ANKS1B: variants seen among roughly 807,000 people sequenced by gnomAD.
The protein encoded by ANKS1B is ankyrin repeat and sterile alpha motif domain containing 1B.
A neutral mutation model predicts 148.3 loss-of-function variants in ANKS1B; 36 were observed. That is an observed-to-expected ratio of 0.24 (90% CI 0.19 to 0.32). The LOEUF is 0.32. Ranked by LOEUF, ANKS1B falls within the 10% of genes least tolerant of loss-of-function variation. ANKS1B has a pLI of 1.00. For synonymous variants in ANKS1B, 542 were observed against 560.8 expected, an observed-to-expected ratio of 0.97 and a Z score of 0.47; for missense variants, 1,157 against 1,542.6, an observed-to-expected ratio of 0.75 and a Z score of 4.19.
At chr12:99,285,739 A>C (rs1004378450) in intron 12 of ANKS1B, among the ~76,000 whole-genome samples, 1 of 152,060 alleles carries the variant, frequency 6.6e-6, no homozygotes, top group Non-Finnish European at 1.5e-5. Flanking sequence ...TGGAGAGAGA[A>C]TCTGTGTGCT....
chr12:99,254,483 T>TGGG (rs1474357892), intron 12 of ANKS1B, among the ~76,000 whole-genome samples: 1 of 152,218 alleles, frequency 6.6e-6, no homozygotes, highest in Non-Finnish European at 1.5e-5. Context: ...CTGTAGGAAC[T>TGGG]GGCACGCTAT....
At chr12:99,149,610 T>A (rs1269936917) in intron 15 of ANKS1B, among the ~76,000 whole-genome samples, 1 of 152,138 alleles carries the variant, frequency 6.6e-6, no homozygotes, top group East Asian at 1.9e-4. Flanking sequence ...ATTTCATTCT[T>A]CTCCCATTTT....
intron 1 of ANKS1B, among the ~76,000 whole-genome samples, chr12:99,886,149 C>T (rs1256344507): frequency 6.6e-6 from 1 of 152,184 alleles, no homozygotes; most frequent in Non-Finnish European, 1.5e-5. Flanking sequence ...CCCTTTTCAC[C>T]ACATTCACGC....
At chr12:99,737,983 T>C (rs2059770270) in intron 8 of ANKS1B, among the ~76,000 whole-genome samples, 1 of 152,154 alleles carries the variant, frequency 6.6e-6, no homozygotes, top group African/African-American at 2.4e-5. Flanking sequence ...ACAGCTCATT[T>C]ATTGAAAAAC....
At chr12:99,892,976 C>T (rs564460903) in intron 1 of ANKS1B, among the ~76,000 whole-genome samples, 20 of 152,276 alleles carry the variant, frequency 1.3e-4, no homozygotes, top group African/African-American at 4.8e-4. Context: ...AGAGGACCCC[C>T]CACCATGTCT....
chr12:99,582,974 A>T (rs2153229516), intron 9 of ANKS1B, among the ~76,000 whole-genome samples: 1 of 152,246 alleles, frequency 6.6e-6, no homozygotes, highest in South Asian at 2.1e-4. Flanking sequence ...GTGTACTTAT[A>T]TTATTTGATT....
At chr12:99,890,576 T>A (rs1164509230) in intron 1 of ANKS1B, among the ~76,000 whole-genome samples, 1 of 17,814 alleles carries the variant, frequency 5.6e-5, no homozygotes, top group Non-Finnish European at 1.9e-4. Flanking sequence ...TCATGGTGTG[T>A]GTGTGTGTGT....
intron 17 of ANKS1B, among the ~76,000 whole-genome samples, chr12:98,880,319 T>G (rs1047193016): frequency 2.6e-5 from 4 of 152,210 alleles, no homozygotes; most frequent in South Asian, 2.1e-4. Context: ...ATGATGAAAG[T>G]CTGTTCAAAT....
At position 99,617,878 on chromosome 12, in the gene ANKS1B, G is replaced by A. The variant is rs146848606; in HGVS notation, c.1272+37189C>T. Among the ~76,000 whole-genome samples, 34 of 151,932 alleles carry A rather than the reference G, an allele frequency of 2.2e-4. 1 individual carries two copies. Among genetic ancestry groups the A allele is most frequent in the African/African-American group, 8.0e-4 (33 of 41,434 alleles). On this transcript the variant is annotated intron_variant, in intron 9 of 26. Transcript: ENST00000683438. ...ATACACACTTAATACAATCAGGTAG[G>A]CATATACTGAGTGATTTTTAATGTA...
At position 98,794,392 on chromosome 12, in the gene ANKS1B, C is replaced by CAAAA. The variant is rs571692746; in HGVS notation, c.3342+4538_3342+4541dup. ...GGGTGACAAGAGCGAAACTCTGTCT[C>CAAAA]AAAAAAAAAAAAAAAAAAAAAAAAA... On this transcript the variant is annotated intron_variant, in intron 22 of 26. Transcript: ENST00000683438. The CAAAA allele has an allele frequency of 3.1e-3, 264 of 84,098 alleles. 6 individuals are homozygous for CAAAA. Among genetic ancestry groups the CAAAA allele is most frequent in the African/African-American group, 4.4e-3 (63 of 14,228 alleles). 5.2% of individuals were successfully genotyped at this position (84,098 alleles called of 1,614,324 possible).
intron 17 of ANKS1B, among the ~76,000 whole-genome samples, chr12:98,930,871 G>A (rs951991723): frequency 2.0e-5 from 3 of 152,018 alleles, no homozygotes; most frequent in Admixed American, 2.0e-4. Flanking sequence ...ACATATTAAA[G>A]GAGCAAATTT....
intron 4 of ANKS1B, among the ~76,000 whole-genome samples, chr12:99,790,500 T>C (rs2065513011): frequency 6.6e-6 from 1 of 152,110 alleles, no homozygotes; most frequent in Non-Finnish European, 1.5e-5. Flanking sequence ...ACTACTTTTA[T>C]CTTAAGTAGA....
chr12:98,826,085 T>G (rs1051697271), intron 19 of ANKS1B, among the ~76,000 whole-genome samples: 3 of 152,202 alleles, frequency 2.0e-5, no homozygotes, highest in Non-Finnish European at 4.4e-5. Context: ...CAGTTTAGAA[T>G]TACAGGCTGG....
intron 17 of ANKS1B, among the ~76,000 whole-genome samples, chr12:98,961,429 GACAA>G (rs2099871265): frequency 6.6e-6 from 1 of 152,024 alleles, no homozygotes; most frequent in Non-Finnish European, 1.5e-5. Flanking sequence ...AACTTTCCTG[GACAA>G]ACAAAGGTTG....
At chr12:99,889,000 A>ACACACACACACACAC (rs1555228591) in intron 1 of ANKS1B, among the ~76,000 whole-genome samples, 2 of 147,152 alleles carry the variant, frequency 1.4e-5, no homozygotes, top group African/African-American at 5.0e-5. Context: ...ACACACACAC[A>ACACACACACACACAC]ACTAGAGACT....
At chr12:99,833,435 G>C (rs1182939040) in intron 1 of ANKS1B, among the ~76,000 whole-genome samples, 1 of 152,228 alleles carries the variant, frequency 6.6e-6, no homozygotes, top group East Asian at 1.9e-4. Flanking sequence ...GGTAGAGAGA[G>C]AGAGGGTGAG....
At chr12:99,663,702 TG>T (rs34812426) in intron 8 of ANKS1B, among the ~76,000 whole-genome samples, 18,327 of 152,114 alleles carry the variant, frequency 0.12, 1,726 homozygotes, top group East Asian at 0.46. Flanking sequence ...ATTTTAAACT[TG>T]AGGATTTGCC....
chr12:98,887,443 C>G (rs2099742659), intron 17 of ANKS1B, among the ~76,000 whole-genome samples: 1 of 152,102 alleles, frequency 6.6e-6, no homozygotes, highest in African/African-American at 2.4e-5. Flanking sequence ...ATTATATAAC[C>G]TTCCCACAGA....
intron 4 of ANKS1B, among the ~76,000 whole-genome samples, chr12:99,784,562 C>A (rs188331814): frequency 3.9e-5 from 6 of 152,306 alleles, no homozygotes. Flanking sequence ...TAACTCCTAG[C>A]ACTCTTAATC....
Sources: gnomAD v4.1 joint callset for allele counts (sites outside exome capture counted in the v4.1 genomes callset) on GRCh38, gnomAD v4.1.1 for gene constraint, MANE v1.5 for transcripts, NCBI Gene and HGNC (gene_info 2026-07-23, HGNC 2026-07-21) for gene names.